Variants in FOCAD observed in about 807,000 individuals in gnomAD.
FOCAD encodes the protein KIAA1797.
A neutral mutation model predicts 225.6 loss-of-function variants in FOCAD; 198 were observed. The observed-to-expected ratio is 0.88, with a 90% CI of 0.78 to 0.99. The LOEUF (loss-of-function observed/expected upper bound fraction) is 0.99. Ranked by LOEUF, FOCAD falls within the 50% of genes least tolerant of loss-of-function variation. The pLI is 0.00. For synonymous variants in FOCAD, 897 were observed against 755.0 expected (o/e 1.19, Z -3.08); for missense variants, 2,713 against 2,123.6 (o/e 1.28, Z -5.46).
At chr9:20,872,451 A>C (rs1190061893) in intron 18 of FOCAD, among the ~76,000 whole-genome samples, 1 of 151,992 alleles carries the variant, frequency 6.6e-6, no homozygotes, top group East Asian at 1.9e-4. Flanking sequence ...CAGCACTTTA[A>C]GGTTCCTCTG....
intron 21 of FOCAD, among the ~76,000 whole-genome samples, chr9:20,894,255 A>G (rs1383368990): frequency 6.6e-6 from 1 of 152,186 alleles, no homozygotes; most frequent in Non-Finnish European, 1.5e-5. Flanking sequence ...TAGAAATACT[A>G]CAGTTGATGT....
At chr9:20,692,629 G>A (rs1052388146) in intron 1 of FOCAD, among the ~76,000 whole-genome samples, 3 of 152,212 alleles carry the variant, frequency 2.0e-5, no homozygotes, top group African/African-American at 7.2e-5. Context: ...GCACTGGTAG[G>A]TTTGGAGGCC....
intron 35 of FOCAD, among the ~76,000 whole-genome samples, chr9:20,960,086 A>G (rs1838561432): frequency 6.6e-6 from 1 of 152,148 alleles, no homozygotes; most frequent in Non-Finnish European, 1.5e-5. Context: ...TCTCATCTAG[A>G]ATGTTGCTCT....
At chr9:20,762,572 T>C (rs1224729959) in intron 6 of FOCAD, among the ~76,000 whole-genome samples, 1 of 152,238 alleles carries the variant, frequency 6.6e-6, no homozygotes, top group African/African-American at 2.4e-5. Context: ...ACTTTTACAT[T>C]TTTATTAATC....
At chr9:20,990,977 G>T (rs923705850) in intron 42 of FOCAD, among the ~76,000 whole-genome samples, 1 of 152,126 alleles carries the variant, frequency 6.6e-6, no homozygotes, top group African/African-American at 2.4e-5. Flanking sequence ...TATCACCCTT[G>T]CCCTCAGGAA....
chr9:20,738,006 A>T (rs1338203998), intron 4 of FOCAD, among the ~76,000 whole-genome samples: 1 of 152,176 alleles, frequency 6.6e-6, no homozygotes, highest in African/African-American at 2.4e-5. Flanking sequence ...GAACTGGAGG[A>T]TATAGTGGGA....
intron 19 of FOCAD, among the ~76,000 whole-genome samples, chr9:20,877,901 A>G (rs1830358653): frequency 6.6e-6 from 1 of 151,864 alleles, no homozygotes; most frequent in Admixed American, 6.6e-5. Flanking sequence ...GAGAGACTCC[A>G]TCTCAAAAAA....
chr9:20,831,307 G>T (rs1825470710), intron 15 of FOCAD, among the ~76,000 whole-genome samples: 2 of 152,100 alleles, frequency 1.3e-5, no homozygotes, highest in Admixed American at 6.6e-5. Flanking sequence ...GAGAGCAAGG[G>T]AAAGTACATT....
intron 28 of FOCAD, among the ~76,000 whole-genome samples, chr9:20,933,571 A>ATATG (rs1835684863): frequency 1.3e-5 from 2 of 150,742 alleles, no homozygotes; most frequent in Non-Finnish European, 3.0e-5. Flanking sequence ...GTGTGTGTGT[A>ATATG]TGTGTGTGTG....
chr9:20,774,943 G>A (rs1818610370), intron 8 of FOCAD, among the ~76,000 whole-genome samples: 1 of 152,016 alleles, frequency 6.6e-6, no homozygotes. Flanking sequence ...AGTAAGCCTA[G>A]GAAAATTAAT....
chr9:20,762,468 C>T (rs1047886314), intron 6 of FOCAD, among the ~76,000 whole-genome samples: 2 of 152,032 alleles, frequency 1.3e-5, no homozygotes, highest in Non-Finnish European at 2.9e-5. Flanking sequence ...TGTTTTGTTT[C>T]CATCATGTAG....
intron 5 of FOCAD, among the ~76,000 whole-genome samples, chr9:20,745,846 G>C (rs1266826215): frequency 1.3e-5 from 2 of 152,168 alleles, no homozygotes; most frequent in Non-Finnish European, 2.9e-5. Flanking sequence ...CTCGGAAGTG[G>C]ACAATTAGGC....
chr9:20,745,969 T>G (rs980156278), intron 5 of FOCAD, among the ~76,000 whole-genome samples: 1 of 152,198 alleles, frequency 6.6e-6, no homozygotes, highest in Non-Finnish European at 1.5e-5. Context: ...AGAGTTAAGT[T>G]TAAGGACTTA....
At position 20,740,246 on chromosome 9, in the gene FOCAD, G is replaced by T; in HGVS notation, c.298G>T (p.Gly100Cys). ...NLIPSTRNTH[G>C]LIKAIMHLLQ... is the part of the protein sequence containing the mutation. ...TATATTTCTTTGCAGAAATACACAT[G>T]GCTTGATAAAAGCCATTATGCACTT... The change falls in exon 5 of 44, where the codon GGC (glycine) becomes TGC (cysteine). Residue 100 changes from glycine (G) to cysteine (C), a missense_variant. Gly to Cys is a radical substitution (Grantham distance 159). Transcript: ENST00000338382. The T allele has an allele frequency of 1.2e-6, 2 of 1,600,782 alleles. No individual in the cohort carries two copies. The highest frequency in any genetic ancestry group is 1.7e-6 in the Non-Finnish European group (2 of 1,172,036).
chr9:20,973,128 A>T (rs1237889761), intron 35 of FOCAD, among the ~76,000 whole-genome samples: 1 of 142,678 alleles, frequency 7.0e-6, no homozygotes, highest in Non-Finnish European at 1.5e-5. Context: ...GTATCATCTG[A>T]TGTGGCCTCT....
intron 15 of FOCAD, among the ~76,000 whole-genome samples, chr9:20,836,618 T>G (rs912524516): frequency 6.6e-6 from 1 of 152,112 alleles, no homozygotes; most frequent in African/African-American, 2.4e-5. Context: ...CAATGACTCT[T>G]TGCAGTCGAA....
At chr9:20,758,459 C>T (rs968775961) in intron 6 of FOCAD, among the ~76,000 whole-genome samples, 4 of 151,754 alleles carry the variant, frequency 2.6e-5, no homozygotes, top group Admixed American at 1.3e-4. Flanking sequence ...TGGTGTGCTG[C>T]ACCCATTAAC....
chr9:20,765,597 G>T (rs948286677), intron 7 of FOCAD, among the ~76,000 whole-genome samples: 6 of 152,186 alleles, frequency 3.9e-5, no homozygotes, highest in African/African-American at 1.4e-4. Context: ...TGTAGTAAAT[G>T]AGTTAGGACA....
At chr9:20,967,164 T>C (rs1031042711) in intron 35 of FOCAD, among the ~76,000 whole-genome samples, 13 of 152,122 alleles carry the variant, frequency 8.5e-5, no homozygotes, top group Non-Finnish European at 7.4e-5. Flanking sequence ...ACACAAGATG[T>C]CTTTCTATTT....
Sources: allele counts gnomAD v4.1 joint callset (sites outside exome capture counted in the v4.1 genomes callset), GRCh38; gene constraint gnomAD v4.1.1; transcripts MANE v1.5; gene names NCBI Gene and HGNC (gene_info 2026-07-23, HGNC 2026-07-21).